Variants in CEP128 observed in about 807,000 individuals in gnomAD.
The protein encoded by CEP128 is centrosomal protein 128.
In CEP128, 132 loss-of-function variants were observed where a neutral mutation model predicts 156.7. That is an observed-to-expected ratio of 0.84 (90% CI 0.73 to 0.97). The LOEUF is 0.97. Among genes scored for constraint, CEP128 ranks in the 50% least tolerant of loss-of-function variants. CEP128 has a pLI of 0.00. For missense variants in CEP128, 1,252 were observed against 1,281.9 expected, an observed-to-expected ratio of 0.98 and a Z score of 0.36; for synonymous variants, 469 against 448.9, an observed-to-expected ratio of 1.04 and a Z score of -0.57.
intron 23 of CEP128, 115 bp downstream of exon 23, chr14:80,526,754 A>G: frequency 1.8e-6 from 1 of 550,710 alleles, no homozygotes; most frequent in South Asian, 2.8e-5. Flanking sequence ...TATATCAAGG[A>G]AAATATTTTC....
chr14:80,669,041 T>C (rs1264250221), intron 19 of CEP128, among the ~76,000 whole-genome samples: 1 of 152,148 alleles, frequency 6.6e-6, no homozygotes, highest in Non-Finnish European at 1.5e-5. Context: ...CAGTCTAAGG[T>C]ATGACTTTAT....
intron 13 of CEP128, among the ~76,000 whole-genome samples, chr14:80,818,377 T>C (rs1211818224): frequency 6.6e-6 from 1 of 152,220 alleles, no homozygotes; most frequent in Non-Finnish European, 1.5e-5. Context: ...AATAAAGACA[T>C]GCACAGATCA....
chr14:80,661,327 T>C (rs983176026), intron 19 of CEP128, among the ~76,000 whole-genome samples: 1 of 152,166 alleles, frequency 6.6e-6, no homozygotes, highest in Non-Finnish European at 1.5e-5. Context: ...ATTAATTTCA[T>C]TGCTGGATCA....
At chr14:80,582,982 A>C (rs960936638) in intron 19 of CEP128, among the ~76,000 whole-genome samples, 1 of 152,204 alleles carries the variant, frequency 6.6e-6, no homozygotes, top group African/African-American at 2.4e-5. Context: ...TAGTATGGCA[A>C]GTCCAAACTC....
intron 8 of CEP128, among the ~76,000 whole-genome samples, chr14:80,883,684 T>C (rs540690460): frequency 2.0e-5 from 3 of 152,062 alleles, no homozygotes; most frequent in Non-Finnish European, 4.4e-5. Context: ...ATCTACAGAT[T>C]CAATGCAATA....
chr14:80,852,943 T>C (rs1409218698), intron 9 of CEP128, among the ~76,000 whole-genome samples: 1 of 151,618 alleles, frequency 6.6e-6, no homozygotes, highest in Non-Finnish European at 1.5e-5. Flanking sequence ...TAAAAAAAAA[T>C]TATAATCAAA....
In CEP128 at chr14:80,614,476, A is replaced by T. The variant is rs192301056; in HGVS notation, c.2807-34053T>A. Reference sequence around the variant, plus strand: ...TTGAGAATTCCCCTTCTATGGCTACATCTCAAATATTACTATTAATATATC... The same window carrying T: ...TTGAGAATTCCCCTTCTATGGCTACTTCTCAAATATTACTATTAATATATC... On this transcript the variant is annotated intron_variant, in intron 19 of 24. Transcript: ENST00000555265. 3.7e-3 allele frequency among the ~76,000 whole-genome samples: 556 copies of T among 152,156 alleles called. 4 individuals carry two copies. The highest frequency in any genetic ancestry group is 0.013 in the African/African-American group (535 of 41,494).
intron 19 of CEP128, among the ~76,000 whole-genome samples, chr14:80,613,612 G>A (rs553715910): frequency 2.0e-4 from 31 of 151,922 alleles, no homozygotes; most frequent in Non-Finnish European, 3.8e-4. Context: ...CCTGGCCGGA[G>A]AACATTTTTA....
At chr14:80,917,690 T>C (rs1884639660) in intron 2 of CEP128, among the ~76,000 whole-genome samples, 2 of 152,094 alleles carry the variant, frequency 1.3e-5, no homozygotes. Flanking sequence ...AATGACAGAG[T>C]ATCTTAGACT....
rs1324614266 is a variant in CEP128, at chr14:80,821,706, TG to T, written c.1209+9436del. On this transcript the variant is annotated intron_variant, in intron 13 of 24. Coordinates refer to ENST00000555265, the MANE Select transcript of CEP128 (RefSeq NM_152446.5). ...TTTTTTTTTTTAAGAGATGAAGTCT[TG>T]CTCTTCCACCCAGACTGGAGTGAAG... is the stretch of plus-strand genomic sequence containing the variant. 4.0e-5 allele frequency among the ~76,000 whole-genome samples: 6 copies of T among 151,314 alleles called. No individual in the cohort carries two copies. In the East Asian group the frequency reaches 9.7e-4, roughly 25 times the overall value.
chr14:80,477,437 C>T (rs949780303), exon 15 of CEP128: 2 of 151,998 alleles, frequency 1.3e-5, no homozygotes, highest in African/African-American at 4.8e-5. Flanking sequence ...TAGAATGTTC[C>T]AAAAGAATGA....
chr14:80,676,784 A>C (rs1454188408), intron 19 of CEP128, among the ~76,000 whole-genome samples: 1 of 152,188 alleles, frequency 6.6e-6, no homozygotes, highest in Non-Finnish European at 1.5e-5. Flanking sequence ...TATTACCATA[A>C]TCATGTGCTG....
intron 13 of CEP128, among the ~76,000 whole-genome samples, chr14:80,815,616 T>C (rs935890233): frequency 2.0e-5 from 3 of 152,224 alleles, no homozygotes; most frequent in Admixed American, 6.5e-5. Flanking sequence ...CACCTGCACT[T>C]GTATGTTTAT....
At chr14:80,734,259 T>C (rs1227465075) in intron 19 of CEP128, among the ~76,000 whole-genome samples, 2 of 152,086 alleles carry the variant, frequency 1.3e-5, no homozygotes, top group African/African-American at 4.8e-5. Context: ...GAAAAAAGAA[T>C]ATAATAATGA....
intron 10 of CEP128, 54 bp downstream of exon 10, chr14:80,840,628 T>C (rs1345775125): frequency 3.6e-6 from 4 of 1,118,946 alleles, no homozygotes; most frequent in Non-Finnish European, 5.4e-6. Flanking sequence ...ACTCAACAAA[T>C]ACCATTGGCC....
chr14:80,948,064 A>G (rs17615941), intron 2 of CEP128, among the ~76,000 whole-genome samples: 65,427 of 150,216 alleles, frequency 0.44, 14,465 homozygotes, highest in Middle Eastern at 0.53. Context: ...GTATGATGTT[A>G]TAGGTAAGTA....
intron 4 of CEP128, among the ~76,000 whole-genome samples, chr14:80,913,919 AG>A (rs1884396991): frequency 6.6e-6 from 1 of 152,254 alleles, no homozygotes; most frequent in African/African-American, 2.4e-5. Context: ...CTACAGCAAT[AG>A]AAATTTTAAA....
intron 19 of CEP128, among the ~76,000 whole-genome samples, chr14:80,729,085 G>GTGTGTC (rs1371594345): frequency 1.1e-4 from 7 of 66,096 alleles, no homozygotes; most frequent in African/African-American, 2.4e-4. Flanking sequence ...GTGTGTGTGT[G>GTGTGTC]TGTGTGTGTG....
At chr14:80,919,947 A>C (rs1026687562) in intron 2 of CEP128, among the ~76,000 whole-genome samples, 1 of 152,232 alleles carries the variant, frequency 6.6e-6, no homozygotes, top group African/African-American at 2.4e-5. Flanking sequence ...ATTTAAGGTG[A>C]GATATATCTG....
Sources: allele counts gnomAD v4.1 joint callset (sites outside exome capture counted in the v4.1 genomes callset), GRCh38; gene constraint gnomAD v4.1.1; transcripts MANE v1.5; gene names NCBI Gene and HGNC (gene_info 2026-07-23, HGNC 2026-07-21).